The following CFAP43 variants were observed in gnomAD, a reference collection of about 807,000 sequenced individuals.
CFAP43 encodes cilia and flagella associated protein 43.
A neutral mutation model predicts 218.9 loss-of-function variants in CFAP43; 155 were observed. The observed-to-expected ratio is 0.71, with a 90% CI of 0.62 to 0.81. CFAP43 has a LOEUF of 0.81. Ranked by LOEUF, CFAP43 falls within the 30% of genes least tolerant of loss-of-function variation. CFAP43 has a pLI of 0.00. For missense variants in CFAP43, 1,778 were observed against 1,954.3 expected (o/e 0.91, Z 1.70); for synonymous variants, 645 against 681.3 (o/e 0.95, Z 0.83).
rs374222947 is a variant in CFAP43, at chr10:104,210,125, T to C, written c.735+1882A>G. On this transcript the variant is annotated intron_variant, in intron 5 of 37. Coordinates refer to ENST00000357060, the MANE Select transcript of CFAP43 (RefSeq NM_025145.7). The stretch of plus-strand genomic sequence containing the variant: ...TAACGAGAAGAAATAAAAGTGTGTA[T>C]ATATTCAGTACAGATGCAACCATAC... 4.6e-5 allele frequency among the ~76,000 whole-genome samples: 7 copies of C among 152,368 alleles called. No homozygotes were observed. In the East Asian group the frequency reaches 7.7e-4, roughly 17 times the overall value.
intron 2 of CFAP43, among the ~76,000 whole-genome samples, chr10:104,229,941 C>T (rs1247193601): frequency 1.3e-5 from 2 of 152,096 alleles, no homozygotes; most frequent in African/African-American, 4.8e-5. Context: ...TCTTCTAGCC[C>T]AGTGCTTCTC....
intron 28 of CFAP43, among the ~76,000 whole-genome samples, chr10:104,149,286 G>A (rs2088132922): frequency 1.3e-5 from 2 of 152,174 alleles, no homozygotes; most frequent in South Asian, 4.1e-4. Context: ...TTTCTGTGAT[G>A]TCAGCAGCTG....
Position 104,227,321 on chromosome 10 carries a change from G to A in CFAP43, c.320-1764C>T, listed in dbSNP as rs2091329042. 2.6e-5 allele frequency among the ~76,000 whole-genome samples: 4 copies of A among 152,072 alleles called. No individual in the cohort carries two copies. In the South Asian group the frequency reaches 8.3e-4, roughly 31 times the overall value. On this transcript the variant is annotated intron_variant, in intron 2 of 37. Coordinates refer to ENST00000357060, the MANE Select transcript of CFAP43 (RefSeq NM_025145.7). ...ATTTCCTAAAAATTGAATTCGTCTT[G>A]AAGTGAGTATACTGGGTCAAATAGA...
chr10:104,158,132 C>T (rs2088674170), intron 27 of CFAP43, among the ~76,000 whole-genome samples: 2 of 152,166 alleles, frequency 1.3e-5, no homozygotes, highest in South Asian at 4.2e-4. Context: ...CAGAAGAATA[C>T]TAACTAATAA....
At chr10:104,229,732 A>C (rs755273388) in intron 2 of CFAP43, among the ~76,000 whole-genome samples, 54 of 152,288 alleles carry the variant, frequency 3.5e-4, no homozygotes, top group Non-Finnish European at 5.6e-4. Context: ...GCATACATAC[A>C]CATACAGCAT....
rs754369528 is a variant in CFAP43, at chr10:104,232,292, C to T, written c.-46G>A. On this transcript the variant is annotated 5_prime_UTR_variant, in exon 1 of 38. Coordinates refer to ENST00000357060, the MANE Select transcript of CFAP43 (RefSeq NM_025145.7). ...GGGAGCAGGCAGCGCACGCAGCACC[C>T]CAGGGCGGGTCGGTTACCTTTCCGC... 90 of 1,527,510 alleles carry T rather than the reference C, an allele frequency of 5.9e-5. No homozygotes were observed. Among genetic ancestry groups the T allele is most frequent in the Non-Finnish European group, 7.7e-5 (88 of 1,139,952 alleles). 94.6% of individuals were successfully genotyped at this position (1,527,510 alleles called of 1,614,324 possible). A position where few individuals can be genotyped will look rare whatever the true frequency, so the allele number is the denominator to read the frequency against.
intron 17 of CFAP43, among the ~76,000 whole-genome samples, chr10:104,180,181 C>T (rs1255957062): frequency 1.3e-5 from 2 of 152,234 alleles, no homozygotes; most frequent in Non-Finnish European, 2.9e-5. Flanking sequence ...ACTGTCACCA[C>T]TCTTTGCCTT....
At chr10:104,144,692 A>G (rs1174106375) in intron 31 of CFAP43, among the ~76,000 whole-genome samples, 11 of 152,186 alleles carry the variant, frequency 7.2e-5, no homozygotes, top group Admixed American at 7.2e-4. Context: ...TCTAGGTTAA[A>G]TTCCCTAGGT....
At position 104,182,350 on chromosome 10, in the gene CFAP43, C is replaced by A; in HGVS notation, c.2289+16G>T. On this transcript the variant is annotated intron_variant, in intron 17 of 37. Transcript: ENST00000357060. ...AAGAAATGTAAGCAAGCAAGCTAGTCATATAGGAACTCAACTGTGTGTTCA... is the reference window on the plus strand; with the variant it reads ...AAGAAATGTAAGCAAGCAAGCTAGTAATATAGGAACTCAACTGTGTGTTCA... The A allele has an allele frequency of 1.9e-6, 3 of 1,562,072 alleles. No individual in the cohort carries two copies. In the South Asian group the frequency reaches 3.7e-5, roughly 19 times the overall value.
intron 28 of CFAP43, among the ~76,000 whole-genome samples, chr10:104,151,384 C>T (rs1397547666): frequency 6.6e-6 from 1 of 152,200 alleles, no homozygotes. Flanking sequence ...ATTCCCTTTT[C>T]TCCACAGCCT....
At chr10:104,188,537 G>T in intron 12 of CFAP43, 127 bp from the exon 13 acceptor site, 1 of 1,253,502 alleles carries the variant, frequency 8.0e-7, no homozygotes, top group Non-Finnish European at 1.1e-6. Context: ...ATTATTTGCT[G>T]GACATTTAAA....
intron 16 of CFAP43, among the ~76,000 whole-genome samples, chr10:104,183,302 C>G (rs1005841424): frequency 6.6e-6 from 1 of 152,090 alleles, no homozygotes; most frequent in African/African-American, 2.4e-5. Flanking sequence ...TACAGACCCC[C>G]TACCTTAAGT....
At chr10:104,190,912 A>G (rs2090189379) in intron 12 of CFAP43, among the ~76,000 whole-genome samples, 1 of 152,206 alleles carries the variant, frequency 6.6e-6, no homozygotes. Context: ...CTTCGCCTCA[A>G]TTGCCTCATG....
intron 17 of CFAP43, 56 bp from the exon 18 acceptor site, chr10:104,179,988 T>G: frequency 7.1e-7 from 1 of 1,406,788 alleles, no homozygotes. Flanking sequence ...CATCAAGTTT[T>G]TCCCCTCCCA....
At chr10:104,196,713 T>G in intron 10 of CFAP43, 140 bp downstream of exon 10, 1 of 623,646 alleles carries the variant, frequency 1.6e-6, no homozygotes. Flanking sequence ...CACACAAGGA[T>G]TACTGTAAAT....
intron 9 of CFAP43, among the ~76,000 whole-genome samples, chr10:104,197,445 T>C (rs1037561233): frequency 6.6e-6 from 1 of 152,238 alleles, no homozygotes; most frequent in Non-Finnish European, 1.5e-5. Flanking sequence ...TGACATATTA[T>C]TATTGACTCC....
chr10:104,166,640 C>A lies in CFAP43; in HGVS notation c.2887G>T (p.Glu963Ter), dbSNP rs752577989. 6.2e-7 allele frequency: 1 copy of A among 1,614,146 alleles called. No homozygotes were observed. Among genetic ancestry groups the A allele is most frequent in the Admixed American group, 1.7e-5 (1 of 60,016 alleles). The change falls in exon 23 of 38, where the codon GAA (glutamate) becomes TAA (stop). Residue 963 changes from glutamate to a stop codon, truncating the protein, a stop_gained. Coordinates refer to ENST00000357060, the MANE Select transcript of CFAP43 (RefSeq NM_025145.7). LOFTEE classifies it high-confidence loss of function. ...TATTTTACTGTCTTGTCTTCCTCTT[C>A]CTCTTCTTCATCATCCTCTTCATGA... ...QRHEEDDEEE[E>*]EEDKTVKYSN...
At chr10:104,136,844 A>G (rs1302171365) in intron 34 of CFAP43, among the ~76,000 whole-genome samples, 1 of 152,218 alleles carries the variant, frequency 6.6e-6, no homozygotes, top group East Asian at 1.9e-4. Context: ...AGATATACAA[A>G]TGGTCAACAA....
At chr10:104,177,329 T>C (rs1440271686) in intron 19 of CFAP43, among the ~76,000 whole-genome samples, 1 of 152,172 alleles carries the variant, frequency 6.6e-6, no homozygotes, top group African/African-American at 2.4e-5. Context: ...TCTCTGCTCG[T>C]AGGTCTGAAG....
Sources: gnomAD v4.1 joint callset for allele counts (sites outside exome capture counted in the v4.1 genomes callset) on GRCh38, gnomAD v4.1.1 for gene constraint, MANE v1.5 for transcripts, NCBI Gene and HGNC (gene_info 2026-07-23, HGNC 2026-07-21) for gene names.